Variants in UGGT2 observed in about 807,000 individuals in gnomAD.
UGGT2 encodes the protein UDP-glucose:glycoprotein glucosyltransferase 2.
In UGGT2, 180 loss-of-function variants were observed where a neutral mutation model predicts 192.1. The ratio of observed to expected loss-of-function variants is 0.94; its 90% CI spans 0.83 to 1.06. UGGT2 has a LOEUF of 1.06. Ranked by LOEUF, UGGT2 falls within the 50% of genes least tolerant of loss-of-function variation. UGGT2 has a pLI of 0.00. For missense variants in UGGT2, 1,849 were observed against 1,795.7 expected (o/e 1.03, Z -0.54); for synonymous variants, 580 against 591.0 (o/e 0.98, Z 0.27).
intron 22 of UGGT2, 83 bp downstream of exon 22, chr13:95,900,724 T>C: frequency 7.1e-7 from 1 of 1,406,638 alleles, no homozygotes; most frequent in Non-Finnish European, 9.5e-7. Flanking sequence ...GTCAGTCACA[T>C]CAGGGGAATT....
intron 38 of UGGT2, among the ~76,000 whole-genome samples, chr13:95,817,657 G>C (rs1361650182): frequency 6.6e-6 from 1 of 152,048 alleles, no homozygotes; most frequent in African/African-American, 2.4e-5. Context: ...TACGAATGTT[G>C]AAAATAAAAG....
chr13:95,886,169 A>G (rs920383375), intron 26 of UGGT2, among the ~76,000 whole-genome samples: 2 of 152,202 alleles, frequency 1.3e-5, no homozygotes, highest in African/African-American at 4.8e-5. Flanking sequence ...CTTCCCTACA[A>G]TACAGGAAGG....
intron 4 of UGGT2, among the ~76,000 whole-genome samples, chr13:96,016,976 G>T (rs2052359187): frequency 6.6e-6 from 1 of 152,230 alleles, no homozygotes; most frequent in Admixed American, 6.5e-5. Context: ...TGTGGGACAT[G>T]GAGTCAAGGA....
Position 95,872,467 on chromosome 13 carries a change from A to G in UGGT2, c.3473+4812T>C, listed in dbSNP as rs115065054. Among the ~76,000 whole-genome samples the G allele has an allele frequency of 9.5e-3, 1,453 of 152,334 alleles. 27 individuals carry two copies. The highest frequency in any genetic ancestry group is 0.033 in the African/African-American group (1,385 of 41,588). ...AATATTTTTCCTAATTATAAAGGTA[A>G]TATCAATTACAATTAAAACATAAAT... On this transcript the variant is annotated intron_variant, in intron 29 of 38. Transcript: ENST00000376747.
intron 4 of UGGT2, among the ~76,000 whole-genome samples, 160 bp downstream of exon 4, chr13:96,022,880 A>C (rs529611139): frequency 2.6e-5 from 4 of 152,198 alleles, no homozygotes; most frequent in African/African-American, 9.6e-5. Context: ...AAGCTAATCA[A>C]GACAAAACAT....
At chr13:96,026,893 G>A (rs1228114069) in intron 2 of UGGT2, among the ~76,000 whole-genome samples, 3 of 151,772 alleles carry the variant, frequency 2.0e-5, no homozygotes, top group Non-Finnish European at 4.4e-5. Flanking sequence ...GGATGGTCTC[G>A]ATCTCCTGAC....
chr13:96,038,757 A>C (rs1203424832), intron 1 of UGGT2, among the ~76,000 whole-genome samples: 3 of 151,862 alleles, frequency 2.0e-5, no homozygotes, highest in African/African-American at 7.3e-5. Context: ...CAAAGCCCCC[A>C]AAATCCACCT....
rs138255564 is a variant in UGGT2 at position 95,826,670 on chromosome 13, T to C, written c.4528+6257A>G. Among the ~76,000 whole-genome samples, 155 of 152,154 alleles carry C rather than the reference T, an allele frequency of 1.0e-3. 1 individual carries two copies. Among genetic ancestry groups the C allele is most frequent in the African/African-American group, 3.5e-3 (145 of 41,536 alleles). On this transcript the variant is annotated intron_variant, in intron 38 of 38. Coordinates refer to ENST00000376747, the MANE Select transcript of UGGT2 (RefSeq NM_020121.4). Reference sequence around the variant, plus strand: ...ATATATATAAGCTATATGATTAAAATGTTATGATTCTTGAGGAAAACTGGA... The same window carrying C: ...ATATATATAAGCTATATGATTAAAACGTTATGATTCTTGAGGAAAACTGGA...
At chr13:95,972,523 A>G (rs2050804561) in intron 11 of UGGT2, 57 bp downstream of exon 11, 3 of 1,374,024 alleles carry the variant, frequency 2.2e-6, no homozygotes, top group African/African-American at 1.5e-5. Flanking sequence ...TAAATTCAAG[A>G]CAATGTTTAT....
At chr13:95,931,737 G>A (rs1258859898) in intron 17 of UGGT2, among the ~76,000 whole-genome samples, 1 of 152,154 alleles carries the variant, frequency 6.6e-6, no homozygotes, top group Non-Finnish European at 1.5e-5. Flanking sequence ...CTGAGTGCAG[G>A]GCCTGCTGAG....
At chr13:95,893,832 T>G (rs1314721127) in intron 24 of UGGT2, among the ~76,000 whole-genome samples, 1 of 152,196 alleles carries the variant, frequency 6.6e-6, no homozygotes, top group Non-Finnish European at 1.5e-5. Flanking sequence ...AAATCACATA[T>G]GATAGTGATT....
intron 26 of UGGT2, 116 bp downstream of exon 26, chr13:95,887,776 T>C: frequency 3.1e-6 from 2 of 641,742 alleles, no homozygotes; most frequent in Non-Finnish European, 5.5e-6. Context: ...TTCTGACTTA[T>C]TTCTTTGAAG....
rs1272837496 is a variant in UGGT2 at position 95,860,047 on chromosome 13, T to C, written c.3741-372A>G. On this transcript the variant is annotated intron_variant, in intron 32 of 38. Coordinates refer to ENST00000376747, the MANE Select transcript of UGGT2 (RefSeq NM_020121.4). ...TGAAGAGCTGAATGATCTATCTATATTGACAAATTCACTGGATGGGTCATT... is the reference window on the plus strand; with the variant it reads ...TGAAGAGCTGAATGATCTATCTATACTGACAAATTCACTGGATGGGTCATT... Among the ~76,000 whole-genome samples the C allele has an allele frequency of 3.3e-5, 5 of 152,150 alleles. No individual in the cohort carries two copies. In the East Asian group the frequency reaches 5.8e-4, roughly 18 times the overall value.
rs1031599631 is a variant in UGGT2, at chr13:95,942,104, A to G, written c.1678-2013T>C. 8.0e-5 allele frequency among the ~76,000 whole-genome samples: 12 copies of G among 149,522 alleles called. No individual in the cohort carries two copies. The East Asian group carries it at 9.9e-4, about 12-fold the overall frequency. ...CTAATATGCCAAATTCTACTTATCT[A>G]TTTTGCTACTGATATGTATATTTGT... On this transcript the variant is annotated intron_variant, in intron 15 of 38. Transcript: ENST00000376747.
intron 20 of UGGT2, among the ~76,000 whole-genome samples, chr13:95,921,265 T>C (rs145836885): frequency 2.8e-4 from 42 of 149,754 alleles, no homozygotes; most frequent in African/African-American, 1.0e-3. Context: ...ATCTAGGCAA[T>C]GGGATGAACT....
At chr13:95,852,699 CTT>C (rs916471706) in intron 36 of UGGT2, among the ~76,000 whole-genome samples, 26 of 152,102 alleles carry the variant, frequency 1.7e-4, no homozygotes, top group African/African-American at 6.3e-4. Flanking sequence ...AATACAGAGT[CTT>C]TTGTTTCTGC....
At chr13:95,809,885 T>A (rs1405814515) in intron 38 of UGGT2, among the ~76,000 whole-genome samples, 1 of 152,256 alleles carries the variant, frequency 6.6e-6, no homozygotes, top group East Asian at 1.9e-4. Context: ...TTTCTTGAAT[T>A]ATATTAGTCT....
At chr13:95,914,831 C>G (rs2048631122) in intron 20 of UGGT2, among the ~76,000 whole-genome samples, 1 of 151,576 alleles carries the variant, frequency 6.6e-6, no homozygotes, top group Admixed American at 6.6e-5. Context: ...ACAAAAAACC[C>G]CCTGCAAAAC....
intron 8 of UGGT2, among the ~76,000 whole-genome samples, 174 bp downstream of exon 8, chr13:95,989,799 G>T (rs2051402205): frequency 6.6e-6 from 1 of 151,966 alleles, no homozygotes; most frequent in Admixed American, 6.6e-5. Flanking sequence ...AATATAGCTT[G>T]CTTGAGGGAT....
Sources: gnomAD v4.1 joint callset for allele counts (sites outside exome capture counted in the v4.1 genomes callset) on GRCh38, gnomAD v4.1.1 for gene constraint, MANE v1.5 for transcripts, NCBI Gene and HGNC (gene_info 2026-07-23, HGNC 2026-07-21) for gene names.